MTA3: variants seen among roughly 807,000 people sequenced by gnomAD.
The protein encoded by MTA3 is metastasis-associated protein MTA3.
A neutral mutation model predicts 83.5 loss-of-function variants in MTA3; 34 were observed. The ratio of observed to expected loss-of-function variants is 0.41; its 90% CI spans 0.31 to 0.54. The LOEUF (loss-of-function observed/expected upper bound fraction) is 0.54, where lower values mean the gene tolerates loss of function less well. Ranked by LOEUF, MTA3 falls within the 20% of genes least tolerant of loss-of-function variation. The pLI is 0.33. For missense variants in MTA3, 761 were observed against 726.4 expected, an observed-to-expected ratio of 1.05 and a Z score of -0.55; for synonymous variants, 303 against 252.7, an observed-to-expected ratio of 1.20 and a Z score of -1.89.
chr2:42,628,771 CCTTT>C (rs374731413), intron 4 of MTA3, among the ~76,000 whole-genome samples: 11 of 15,224 alleles, frequency 7.2e-4, no homozygotes, highest in Admixed American at 1.9e-3. Context: ...ACATTTCCAC[CCTTT>C]TTTTTTTTTT....
chr2:42,689,838 CAA>C (rs36044592), intron 9 of MTA3, among the ~76,000 whole-genome samples: 94,461 of 139,262 alleles, frequency 0.68, 32,570 homozygotes, highest in African/African-American at 0.84. Flanking sequence ...TTGAACTTTG[CAA>C]AAAAAAAAAA....
intron 2 of MTA3, among the ~76,000 whole-genome samples, chr2:42,548,273 A>T (rs113536412): frequency 0.034 from 5,194 of 152,016 alleles, 262 homozygotes; most frequent in African/African-American, 0.12. Flanking sequence ...GAGACCAGCC[A>T]GGCCAACATG....
chr2:42,670,701 C>G (rs140675175), intron 8 of MTA3, among the ~76,000 whole-genome samples: 1 of 150,826 alleles, frequency 6.6e-6, no homozygotes, highest in African/African-American at 2.4e-5. Context: ...GGGCCTAGTG[C>G]GAGAGCTCAG....
chr2:42,616,958 C>T (rs562579959), intron 4 of MTA3, among the ~76,000 whole-genome samples: 15 of 152,098 alleles, frequency 9.9e-5, no homozygotes, highest in East Asian at 1.9e-4. Flanking sequence ...TTTTTGCTCA[C>T]ACTCTGAGCA....
At chr2:42,503,379 G>A (rs928700838) in intron 2 of MTA3, among the ~76,000 whole-genome samples, 3 of 152,120 alleles carry the variant, frequency 2.0e-5, no homozygotes, top group Non-Finnish European at 4.4e-5. Context: ...TTTACTGCAA[G>A]CTGTTTTATC....
intron 4 of MTA3, among the ~76,000 whole-genome samples, chr2:42,611,037 A>G (rs1433799340): frequency 7.0e-6 from 1 of 143,266 alleles, no homozygotes; most frequent in Non-Finnish European, 1.5e-5. Context: ...GCTGGAGTGC[A>G]GTGGCGCGAT....
At chr2:42,537,295 G>A (rs1370156318) in intron 2 of MTA3, among the ~76,000 whole-genome samples, 1 of 152,148 alleles carries the variant, frequency 6.6e-6, no homozygotes, top group East Asian at 1.9e-4. Flanking sequence ...CAGGTGCAGT[G>A]GCTCACACCT....
intron 8 of MTA3, among the ~76,000 whole-genome samples, chr2:42,672,519 C>T (rs1241449211): frequency 6.6e-6 from 1 of 150,530 alleles, no homozygotes; most frequent in Non-Finnish European, 1.5e-5. Context: ...GTGGTGGGCG[C>T]CTGTAATCCC....
At chr2:42,736,688 A>G (rs941558283) in intron 16 of MTA3, among the ~76,000 whole-genome samples, 1 of 152,230 alleles carries the variant, frequency 6.6e-6, no homozygotes, top group Non-Finnish European at 1.5e-5. Flanking sequence ...CCTCAAGCAG[A>G]AAGAGTCTCT....
chr2:42,511,276 C>CG (rs1674882812), intron 2 of MTA3, among the ~76,000 whole-genome samples: 1 of 150,312 alleles, frequency 6.7e-6, no homozygotes. Context: ...ATTTAAAATA[C>CG]TTTTTTTTTC....
At chr2:42,549,318 ATATAT>A (rs1158424614) in intron 2 of MTA3, among the ~76,000 whole-genome samples, 66 of 122,572 alleles carry the variant, frequency 5.4e-4, no homozygotes, top group East Asian at 1.4e-3. Context: ...ATAATATATA[ATATAT>A]TATATACGTA....
chr2:42,513,713 C>G (rs1169460823), intron 2 of MTA3, among the ~76,000 whole-genome samples: 1 of 152,150 alleles, frequency 6.6e-6, no homozygotes, highest in African/African-American at 2.4e-5. Flanking sequence ...GTCCTGAAGC[C>G]CAGAGTGCTG....
At chr2:42,563,681 C>A (rs528868004), upstream of MTA3, among the ~76,000 whole-genome samples, 53 of 151,988 alleles carry the variant, frequency 3.5e-4, no homozygotes, top group Non-Finnish European at 5.1e-4. Context: ...TTAGCCAGGA[C>A]GGTCTCGATC....
chr2:42,730,982 G>C (rs1040996886), intron 16 of MTA3, among the ~76,000 whole-genome samples: 7 of 152,046 alleles, frequency 4.6e-5, no homozygotes, highest in African/African-American at 1.7e-4. Context: ...AGCTTTTCCA[G>C]TTTGTTGGCA....
chr2:42,676,637 G>T (rs766330383), intron 8 of MTA3, among the ~76,000 whole-genome samples: 7 of 152,152 alleles, frequency 4.6e-5, no homozygotes, highest in Non-Finnish European at 7.4e-5. Context: ...ATTGTGGCAT[G>T]CACCTGTAGT....
At chr2:42,750,951 G>A (rs568657001) in intron 16 of MTA3, among the ~76,000 whole-genome samples, 1 of 152,314 alleles carries the variant, frequency 6.6e-6, no homozygotes, top group East Asian at 1.9e-4. Context: ...GGTACCTGGT[G>A]TCATTTCATG....
At chr2:42,581,602 C>G (rs963362591) in intron 3 of MTA3, among the ~76,000 whole-genome samples, 3 of 149,952 alleles carry the variant, frequency 2.0e-5, no homozygotes, top group Admixed American at 6.7e-5. Flanking sequence ...GGGTGGGTCT[C>G]AAACTATTGG....
chr2:42,545,572 G>A (rs940995928), intron 2 of MTA3, among the ~76,000 whole-genome samples: 5 of 152,104 alleles, frequency 3.3e-5, no homozygotes, highest in African/African-American at 1.2e-4. Context: ...TCGGGGGTGG[G>A]ACAGCAGAGG....
intron 9 of MTA3, among the ~76,000 whole-genome samples, chr2:42,689,342 A>G (rs1314953367): frequency 4.6e-5 from 7 of 152,206 alleles, no homozygotes; most frequent in Admixed American, 3.3e-4. Context: ...TTTTGAATCT[A>G]TGTTAATGAT....
Sources: gnomAD v4.1 joint callset for allele counts (sites outside exome capture counted in the v4.1 genomes callset) on GRCh38, gnomAD v4.1.1 for gene constraint, MANE v1.5 for transcripts, NCBI Gene and HGNC (gene_info 2026-07-23, HGNC 2026-07-21) for gene names.